Variants in SH2B3 observed in about 807,000 individuals in gnomAD.
SH2B3 encodes SH2B adaptor protein 3.
A neutral mutation model predicts 51.9 loss-of-function variants in SH2B3; 43 were observed. The observed-to-expected ratio is 0.83, with a 90% CI of 0.65 to 1.07. The LOEUF (loss-of-function observed/expected upper bound fraction) is 1.07. Ranked by LOEUF, SH2B3 falls within the 50% of genes least tolerant of loss-of-function variation. The pLI, the probability that SH2B3 is intolerant of heterozygous loss-of-function variation, is 0.00. For missense variants in SH2B3, 952 were observed against 834.3 expected (o/e 1.14, Z -1.74); for synonymous variants, 396 against 376.0 (o/e 1.05, Z -0.62).
At chr12:111,440,438 C>G (rs1873298173) in intron 2 of SH2B3, among the ~76,000 whole-genome samples, 1 of 152,212 alleles carries the variant, frequency 6.6e-6, no homozygotes, top group Admixed American at 6.5e-5. Context: ...CTGTGACTTC[C>G]TCTTGGAAAA....
chr12:111,448,280 A>ACAATCAGT lies in SH2B3; in HGVS notation c.1707_1714dup (p.Tyr572SerfsTer10). 6.2e-7 allele frequency: 1 copy of ACAATCAGT among 1,613,126 alleles called. No individual in the cohort carries two copies. The highest frequency in any genetic ancestry group is 1.3e-5 in the African/African-American group (1 of 75,040). Reference sequence around the variant, plus strand: ...TCCCGGAGCCACCTGCGGGCCATAGACAATCAGTACACACCTCTCTGACCA... The same window carrying ACAATCAGT: ...TCCCGGAGCCACCTGCGGGCCATAGACAATCAGTCAATCAGTACACACCTCTCTGACCA... On this transcript the variant is annotated frameshift_variant, in exon 8 of 8. Transcript: ENST00000341259. LOFTEE classifies it high-confidence loss of function.
intron 2 of SH2B3, among the ~76,000 whole-genome samples, chr12:111,445,510 G>C (rs2135608180): frequency 6.6e-6 from 1 of 152,354 alleles, no homozygotes; most frequent in East Asian, 1.9e-4. Flanking sequence ...GCCCTGGCTG[G>C]TGCTGGTCAC....
intron 2 of SH2B3, among the ~76,000 whole-genome samples, chr12:111,439,839 T>C (rs1210985263): frequency 6.6e-6 from 1 of 152,218 alleles, no homozygotes; most frequent in African/African-American, 2.4e-5. Context: ...GGTGTCACAC[T>C]GTTTTCCAGC....
rs1173171672 is a variant in SH2B3, at chr12:111,448,248, C to T, written c.1674C>T (p.Asp558=). 4.9e-5 allele frequency: 79 copies of T among 1,614,148 alleles called. No individual in the cohort carries two copies. The highest frequency in any genetic ancestry group is 6.5e-5 in the Non-Finnish European group (77 of 1,179,998). The part of the protein sequence containing the change: ...NRARDSDYEM[D]SSSRSHLRAI... ...CCCGGGACTCGGACTACGAAATGGA[C>T]TCATCCTCCCGGAGCCACCTGCGGG... The change falls in exon 8 of 8, where the codon GAC becomes GAT. Residue 558 remains aspartate, a synonymous_variant. Transcript: ENST00000341259.
rs775024967 is a variant in SH2B3 at position 111,447,563 on chromosome 12, T to C, written c.1236+19T>C. The C allele has an allele frequency of 5.4e-6, 1 of 183,958 alleles. No homozygotes were observed. Among genetic ancestry groups the C allele is most frequent in the Non-Finnish European group, 1.1e-5 (1 of 94,546 alleles). 11.4% of individuals were successfully genotyped at this position (183,958 alleles called of 1,614,324 possible). ...AGCCAAGGTATGGGGTGGGGTGGGG[T>C]GGGGTGGGGCAGGCAGGACCGTGCC... On this transcript the variant is annotated intron_variant, in intron 6 of 7. Transcript: ENST00000341259.
At chr12:111,443,116 G>A (rs1414293426) in intron 2 of SH2B3, among the ~76,000 whole-genome samples, 1 of 152,266 alleles carries the variant, frequency 6.6e-6, no homozygotes, top group Non-Finnish European at 1.5e-5. Flanking sequence ...ATGAGGGCAA[G>A]TGAGGCCTAG....
chr12:111,434,838 G>A (rs553540618), intron 2 of SH2B3: 72 of 1,527,028 alleles, frequency 4.7e-5, no homozygotes, highest in East Asian at 9.8e-5. Flanking sequence ...CATGGTAAAC[G>A]TTCAGTAAAC....
At chr12:111,427,694 G>T (rs1872127587) in intron 2 of SH2B3, among the ~76,000 whole-genome samples, 1 of 152,236 alleles carries the variant, frequency 6.6e-6, no homozygotes, top group Admixed American at 6.5e-5. Context: ...AGATGGTCTT[G>T]AAGTCCTGCC....
intron 1 of SH2B3, among the ~76,000 whole-genome samples, chr12:111,417,427 T>C (rs1303965572): frequency 6.6e-6 from 1 of 151,158 alleles, no homozygotes; most frequent in African/African-American, 2.4e-5. Flanking sequence ...TTAAGTACAA[T>C]GTTAACTGTG....
chr12:111,417,589 T>C (rs1391688796), intron 1 of SH2B3, among the ~76,000 whole-genome samples: 2 of 152,028 alleles, frequency 1.3e-5, no homozygotes, highest in Admixed American at 1.3e-4. Context: ...TAGTTAGGAC[T>C]ACAGGTGCAC....
chr12:111,434,170 T>C (rs542496216), intron 2 of SH2B3, among the ~76,000 whole-genome samples: 4 of 152,340 alleles, frequency 2.6e-5, no homozygotes, highest in South Asian at 2.1e-4. Flanking sequence ...TGAGATATGA[T>C]TCATATACCA....
chr12:111,434,883 G>C (rs148421182), intron 2 of SH2B3: 4 of 1,535,444 alleles, frequency 2.6e-6, no homozygotes, highest in East Asian at 2.4e-5. Context: ...AGTCCGTGCC[G>C]GGTGGAGCTC....
intron 2 of SH2B3, among the ~76,000 whole-genome samples, chr12:111,422,796 G>A (rs1040637995): frequency 1.8e-4 from 28 of 151,512 alleles, no homozygotes; most frequent in South Asian, 1.3e-3. Context: ...TCCTGACCTC[G>A]TGATCCACCT....
intron 2 of SH2B3, among the ~76,000 whole-genome samples, chr12:111,440,760 A>G (rs908297935): frequency 6.6e-6 from 1 of 152,216 alleles, no homozygotes; most frequent in Non-Finnish European, 1.5e-5. Context: ...AAGATGGAAA[A>G]GGAAGAGGGA....
intron 2 of SH2B3, among the ~76,000 whole-genome samples, chr12:111,436,897 C>T (rs1255621691): frequency 6.6e-6 from 1 of 151,872 alleles, no homozygotes; most frequent in African/African-American, 2.4e-5. Flanking sequence ...CTAATCACTT[C>T]CCCCGCCCCC....
In SH2B3 at chr12:111,424,100, G is replaced by A. The variant is rs145457337; in HGVS notation, c.732+5223G>A. On this transcript the variant is annotated intron_variant, in intron 2 of 7. Transcript: ENST00000341259. ...GCACTCTAGCCTGGGTGACAAGAGC[G>A]AAACTCCATCTCAAAAAAAATAAGT... Among the ~76,000 whole-genome samples, 892 of 152,284 alleles carry A rather than the reference G, an allele frequency of 5.9e-3. 11 individuals carry two copies. Among genetic ancestry groups the A allele is most frequent in the African/African-American group, 0.02 (824 of 41,542 alleles).
chr12:111,419,849 G>C (rs1174969598), intron 2 of SH2B3, among the ~76,000 whole-genome samples: 3 of 152,162 alleles, frequency 2.0e-5, no homozygotes, highest in African/African-American at 7.2e-5. Context: ...TTCTGTTCCA[G>C]CTCGCCCCCC....
rs11065904 is a variant in SH2B3, at chr12:111,449,163, T to A, written c.*861T>A. ...AATAGGAGGGTGGCAAGAACAGTTC[T>A]ATCCTGGTGCCTTACGAATAAAAAA... On this transcript the variant is annotated 3_prime_UTR_variant, in exon 8 of 8. Transcript: ENST00000341259. 5,949 of 152,756 alleles carry A rather than the reference T, an allele frequency of 0.039. 964 individuals carry two copies. The East Asian group carries it at 0.56, about 14-fold the overall frequency. The allele number at this position is 152,756 out of a possible 1,614,324, so 9.5% of individuals were successfully genotyped here.
Position 111,447,558 on chromosome 12 carries a change from T to TGGGGGG in SH2B3, c.1236+18_1236+19insGGGGGG. The TGGGGGG allele has an allele frequency of 5.2e-6, 1 of 191,904 alleles. No individual in the cohort carries two copies. The allele number at this position is 191,904 out of a possible 1,614,324, so 11.9% of individuals were successfully genotyped here. A position where few individuals can be genotyped will look rare whatever the true frequency, so the allele number is the denominator to read the frequency against. On this transcript the variant is annotated intron_variant, in intron 6 of 7. Coordinates refer to ENST00000341259, the MANE Select transcript of SH2B3 (RefSeq NM_005475.3). ...GGGATAGCCAAGGTATGGGGTGGGG[T>TGGGGGG]GGGGTGGGGTGGGGCAGGCAGGACC...
Sources: allele counts gnomAD v4.1 joint callset (sites outside exome capture counted in the v4.1 genomes callset), GRCh38; gene constraint gnomAD v4.1.1; transcripts MANE v1.5; gene names NCBI Gene and HGNC (gene_info 2026-07-23, HGNC 2026-07-21).